RBM39: variants seen among roughly 807,000 people sequenced by gnomAD.
RBM39 encodes RNA binding motif protein 39, also known as RNA-binding protein 39.
A neutral mutation model predicts 79.6 loss-of-function variants in RBM39; 12 were observed. The observed-to-expected ratio is 0.15, with a 90% CI of 0.10 to 0.24. The LOEUF (loss-of-function observed/expected upper bound fraction) is 0.24, where lower values mean the gene tolerates loss of function less well. Among genes scored for constraint, RBM39 ranks in the 10% least tolerant of loss-of-function variants. The pLI, the probability that RBM39 is intolerant of heterozygous loss-of-function variation, is 1.00. For missense variants in RBM39, 243 were observed against 653.4 expected (o/e 0.37, Z 6.85); for synonymous variants, 185 against 208.4 (o/e 0.89, Z 0.97).
At chr20:35,715,969 G>A (rs1012295676) in intron 10 of RBM39, among the ~76,000 whole-genome samples, 1 of 152,144 alleles carries the variant, frequency 6.6e-6, no homozygotes, top group African/African-American at 2.4e-5. Flanking sequence ...GCTTCCTGAG[G>A]CCACCACAGA....
At chr20:35,711,559 T>C (rs1325076190) in intron 12 of RBM39, among the ~76,000 whole-genome samples, 2 of 152,120 alleles carry the variant, frequency 1.3e-5, no homozygotes, top group African/African-American at 4.8e-5. Context: ...TTCTAGGGAG[T>C]AACTGCTTGT....
intron 6 of RBM39, among the ~76,000 whole-genome samples, chr20:35,727,160 A>G (rs571161558): frequency 6.6e-6 from 1 of 150,928 alleles, no homozygotes; most frequent in African/African-American, 2.5e-5. Flanking sequence ...CAACTGAGCA[A>G]CATGGCAAAA....
intron 9 of RBM39, among the ~76,000 whole-genome samples, chr20:35,718,799 G>C (rs2037503655): frequency 8.3e-6 from 1 of 121,024 alleles, no homozygotes; most frequent in Admixed American, 1.0e-4. Flanking sequence ...GGCAACAAGA[G>C]CAATACTCCA....
intron 6 of RBM39, among the ~76,000 whole-genome samples, chr20:35,727,607 C>G (rs1438907516): frequency 6.6e-6 from 1 of 151,686 alleles, no homozygotes; most frequent in Non-Finnish European, 1.5e-5. Context: ...TCCCAAGTAG[C>G]TGGGACTACA....
At chr20:35,739,611 A>G (rs548876466) in intron 2 of RBM39, 3 of 455,946 alleles carry the variant, frequency 6.6e-6, no homozygotes, top group African/African-American at 6.0e-5. Context: ...AAGAAAGTCA[A>G]TTAATAATCC....
intron 8 of RBM39, among the ~76,000 whole-genome samples, chr20:35,723,230 CAA>C (rs200651582): frequency 2.1e-4 from 26 of 123,096 alleles, no homozygotes; most frequent in Admixed American, 2.5e-4. Flanking sequence ...AAGATCGCCT[CAA>C]AAAAAAAAAA....
At chr20:35,731,881 C>A (rs2039407282) in intron 4 of RBM39, 60 bp downstream of exon 4, 1 of 1,413,388 alleles carries the variant, frequency 7.1e-7, no homozygotes. Context: ...TCAAGTTAAA[C>A]TGCCATCTGA....
chr20:35,724,115 T>A (rs1445181318), intron 8 of RBM39, among the ~76,000 whole-genome samples: 1 of 152,032 alleles, frequency 6.6e-6, no homozygotes, highest in Non-Finnish European at 1.5e-5. Context: ...GTGGATCACC[T>A]GAGGTCAGGA....
intron 13 of RBM39, 155 bp downstream of exon 13, chr20:35,709,069 G>T: frequency 3.8e-6 from 2 of 525,110 alleles, no homozygotes; most frequent in South Asian, 3.2e-5. Flanking sequence ...CTGAAATACA[G>T]ACAGATTACT....
At position 35,707,449 on chromosome 20, in the gene RBM39, A is replaced by T. The variant is rs2035881224; in HGVS notation, c.1226-248T>A. The T allele has an allele frequency of 4.5e-5, 13 of 290,818 alleles. 1 individual carries two copies. In the South Asian group the frequency reaches 6.9e-4, roughly 15 times the overall value. 18.0% of individuals were successfully genotyped at this position (290,818 alleles called of 1,614,324 possible). A position where few individuals can be genotyped will look rare whatever the true frequency, so the allele number is the denominator to read the frequency against. On this transcript the variant is annotated intron_variant, in intron 13 of 16. Coordinates refer to ENST00000253363, the MANE Select transcript of RBM39 (RefSeq NM_184234.3). ...GGAGTCCTATTTTAACAGGGAAATT[A>T]AACTTTATGTGTTATCAAAATCAGT...
At chr20:35,722,880 G>C (rs1198001778) in intron 8 of RBM39, among the ~76,000 whole-genome samples, 1 of 150,780 alleles carries the variant, frequency 6.6e-6, no homozygotes, top group Admixed American at 6.6e-5. Flanking sequence ...CTTGCAGTGA[G>C]CCAAGATCGC....
chr20:35,731,643 C>G (rs533746022), intron 4 of RBM39: 2 of 371,896 alleles, frequency 5.4e-6, no homozygotes, highest in African/African-American at 4.1e-5. Flanking sequence ...ACTACAATGT[C>G]ATCTTTTTCA....
chr20:35,706,337 CA>C (rs1042392549), intron 14 of RBM39, among the ~76,000 whole-genome samples: 2 of 151,768 alleles, frequency 1.3e-5, no homozygotes, highest in African/African-American at 4.8e-5. Context: ...CTGGCTCCAA[CA>C]AAAAAAGTTA....
chr20:35,708,943 A>C (rs986476985), intron 13 of RBM39: 2 of 293,202 alleles, frequency 6.8e-6, no homozygotes, highest in African/African-American at 4.4e-5. Flanking sequence ...ATCAACACTT[A>C]GAACACACAG....
intron 2 of RBM39, chr20:35,739,338 C>T (rs1445405042): frequency 4.4e-6 from 2 of 455,666 alleles, no homozygotes; most frequent in Non-Finnish European, 8.9e-6. Context: ...TTCCATAAAA[C>T]ATGAAGTCCT....
chr20:35,719,875 C>T (rs1220729122), intron 9 of RBM39, among the ~76,000 whole-genome samples: 3 of 151,766 alleles, frequency 2.0e-5, no homozygotes, highest in Non-Finnish European at 2.9e-5. Flanking sequence ...CTCTGCCACC[C>T]GGGTTCAAGT....
In RBM39 at chr20:35,732,123, G is replaced by A. The variant is rs1206660042; in HGVS notation, c.114C>T (p.Ser38=). 2 of 1,613,084 alleles carry A rather than the reference G, an allele frequency of 1.2e-6. No homozygotes were observed. The highest frequency in any genetic ancestry group is 1.1e-5 in the South Asian group (1 of 91,032). Residue 38 remains serine (S), a synonymous_variant, in exon 4 of 17, where the codon AGC becomes AGT. Coordinates refer to ENST00000253363, the MANE Select transcript of RBM39 (RefSeq NM_184234.3). Reference sequence around the variant, plus strand: ...GTTCATGACTACGACTTCTGCTCTTGCTTTTTTTCCTCCTGAGAAGAAAAA... The same window carrying A: ...GTTCATGACTACGACTTCTGCTCTTACTTTTTTTCCTCCTGAGAAGAAAAA... The part of the protein sequence containing the change: ...HEERSKKRKK[S]KSRSRSHERK...
At chr20:35,707,268 A>C in intron 13 of RBM39, 67 bp from the exon 14 acceptor site, 1 of 1,168,956 alleles carries the variant, frequency 8.6e-7, no homozygotes, top group Non-Finnish European at 1.2e-6. Flanking sequence ...TAAATACTTT[A>C]AAACGAAACC....
Position 35,729,530 on chromosome 20 carries a change from A to G in RBM39, c.297-3T>C. The G allele has an allele frequency of 6.2e-7, 1 of 1,613,538 alleles. No individual in the cohort carries two copies. Among genetic ancestry groups the G allele is most frequent in the Non-Finnish European group, 8.5e-7 (1 of 1,179,670 alleles). On this transcript the variant is annotated splice_region_variant and splice_polypyrimidine_tract_variant and intron_variant, in intron 4 of 16. Coordinates refer to ENST00000253363, the MANE Select transcript of RBM39 (RefSeq NM_184234.3). ...CACTGTTAAATTTTGGTCCGGAGCTAAAAAGGAAACACAAAATTACACTAG... is the reference window on the plus strand; with the variant it reads ...CACTGTTAAATTTTGGTCCGGAGCTGAAAAGGAAACACAAAATTACACTAG...
Sources: gnomAD v4.1 joint callset for allele counts (sites outside exome capture counted in the v4.1 genomes callset) on GRCh38, gnomAD v4.1.1 for gene constraint, MANE v1.5 for transcripts, NCBI Gene and HGNC (gene_info 2026-07-23, HGNC 2026-07-21) for gene names.